Variants in ITGB3BP observed in about 807,000 individuals in gnomAD.
The protein encoded by ITGB3BP is centromere protein R.
A neutral mutation model predicts 29.1 loss-of-function variants in ITGB3BP; 27 were observed. That is an observed-to-expected ratio of 0.93 (90% CI 0.68 to 1.28). ITGB3BP has a LOEUF of 1.28. Among genes scored for constraint, ITGB3BP ranks in the 50% most tolerant of loss-of-function variants. The pLI, the probability that ITGB3BP is intolerant of heterozygous loss-of-function variation, is 0.00. For synonymous variants in ITGB3BP, 61 were observed against 61.4 expected, an observed-to-expected ratio of 0.99 and a Z score of 0.03; for missense variants, 192 against 200.2, an observed-to-expected ratio of 0.96 and a Z score of 0.25.
In ITGB3BP at chr1:63,454,314, G is replaced by A; in HGVS notation, c.427+66C>T. The A allele has an allele frequency of 1.3e-6, 1 of 775,558 alleles. No homozygotes were observed. 48.0% of individuals were successfully genotyped at this position (775,558 alleles called of 1,614,324 possible). On this transcript the variant is annotated intron_variant, in intron 6 of 8. Coordinates refer to ENST00000271002, the MANE Select transcript of ITGB3BP (RefSeq NM_014288.5). The surrounding 1 kb of genome is among the most constrained non-coding windows in gnomAD (Gnocchi z 4.1). Reference sequence around the variant, plus strand: ...GTATATATAAAGAAGTCTATCAAATGTAAATGAGACAAATTAATAGGTTTA... The same window carrying A: ...GTATATATAAAGAAGTCTATCAAATATAAATGAGACAAATTAATAGGTTTA...
At chr1:63,495,827 A>G (rs1193346542) in intron 2 of ITGB3BP, among the ~76,000 whole-genome samples, 1 of 152,094 alleles carries the variant, frequency 6.6e-6, no homozygotes, top group East Asian at 1.9e-4. Context: ...GATATATAAT[A>G]ATATTTCCTA....
At position 63,447,751 on chromosome 1, in the gene ITGB3BP, C is replaced by A. The variant is rs368395412; in HGVS notation, c.485-895G>T. On this transcript the variant is annotated intron_variant, in intron 7 of 8. Coordinates refer to ENST00000271002, the MANE Select transcript of ITGB3BP (RefSeq NM_014288.5). ...TGGTGGGACTGTAAACTAGTTCAAC[C>A]ATTGTGGAAGTCAGTGTGGCGATTC... The A allele has an allele frequency of 6.2e-4, 248 of 401,002 alleles. 2 individuals are homozygous for A. Among genetic ancestry groups the A allele is most frequent in the South Asian group, 4.5e-3 (246 of 55,016 alleles). 24.8% of individuals were successfully genotyped at this position (401,002 alleles called of 1,614,324 possible). A position where few individuals can be genotyped will look rare whatever the true frequency, so the allele number is the denominator to read the frequency against.
chr1:63,470,235 CTG>C (rs1017854471), intron 4 of ITGB3BP, among the ~76,000 whole-genome samples: 6 of 152,138 alleles, frequency 3.9e-5, no homozygotes, highest in African/African-American at 1.4e-4. Context: ...CTCTATATTT[CTG>C]TGTGTGTGTC....
chr1:63,518,130 C>T (rs1038497192), intron 1 of ITGB3BP, among the ~76,000 whole-genome samples: 3 of 152,068 alleles, frequency 2.0e-5, no homozygotes, highest in Admixed American at 1.3e-4. Flanking sequence ...AAAAAGTTTT[C>T]GATACTAAAT....
chr1:63,477,890 C>T (rs1265981844), intron 4 of ITGB3BP, among the ~76,000 whole-genome samples: 1 of 152,122 alleles, frequency 6.6e-6, no homozygotes, highest in Non-Finnish European at 1.5e-5. Context: ...TTCAATCCTT[C>T]CAGGAAGAAG....
chr1:63,489,473 C>A (rs1469551290), intron 3 of ITGB3BP, among the ~76,000 whole-genome samples: 3 of 149,194 alleles, frequency 2.0e-5, no homozygotes, highest in South Asian at 2.1e-4. Context: ...CAATGAACTA[C>A]CAGAGGACAA....
At chr1:63,507,812 G>T (rs1299542596) in intron 2 of ITGB3BP, among the ~76,000 whole-genome samples, 1 of 152,114 alleles carries the variant, frequency 6.6e-6, no homozygotes, top group Non-Finnish European at 1.5e-5. Context: ...TGAATTTGGA[G>T]GAGCCTACTT....
At chr1:63,466,535 T>A (rs1645103016) in intron 4 of ITGB3BP, among the ~76,000 whole-genome samples, 1 of 152,258 alleles carries the variant, frequency 6.6e-6, no homozygotes, top group African/African-American at 2.4e-5. Flanking sequence ...ACCAGACATA[T>A]CTACAAGGCT....
chr1:63,511,215 C>T (rs546278977), intron 1 of ITGB3BP, among the ~76,000 whole-genome samples: 62 of 151,988 alleles, frequency 4.1e-4, no homozygotes, highest in Admixed American at 5.9e-4. Flanking sequence ...AAATCAGAAC[C>T]ACAATGAAAT....
chr1:63,512,981 A>G (rs558218694), intron 1 of ITGB3BP, among the ~76,000 whole-genome samples: 2 of 152,088 alleles, frequency 1.3e-5, no homozygotes, highest in African/African-American at 4.8e-5. Context: ...CTATCCCTCA[A>G]TTTGGGCCTA....
chr1:63,514,944 CAAAAAAA>C (rs55738892), intron 1 of ITGB3BP, among the ~76,000 whole-genome samples: 5 of 117,104 alleles, frequency 4.3e-5, no homozygotes, highest in Non-Finnish European at 3.6e-5. Context: ...GACTCTGTCT[CAAAAAAA>C]AAAAAAAAAA....
At chr1:63,443,034 C>G (rs76317752) in intron 8 of ITGB3BP, 3,258 of 152,376 alleles carry the variant, frequency 0.021, 123 homozygotes, top group African/African-American at 0.074. Flanking sequence ...TTCACAAAGG[C>G]TTCACTTTTT....
In ITGB3BP at chr1:63,493,088, A is replaced by ACACACACGCG. The variant is rs372348238; in HGVS notation, c.49-2871_49-2870insCGCGTGTGTG. On this transcript the variant is annotated intron_variant, in intron 2 of 8. Transcript: ENST00000271002. ...GATCACACCACACACACACACACAC[A>ACACACACGCG]CGCGCGCGCGCGCAAGAAAATAGAT... Among the ~76,000 whole-genome samples the ACACACACGCG allele has an allele frequency of 8.0e-3, 1,184 of 148,796 alleles. 16 individuals carry two copies. Among genetic ancestry groups the ACACACACGCG allele is most frequent in the African/African-American group, 0.029 (1,125 of 39,382 alleles).
At chr1:63,490,922 C>T (rs964678708) in intron 2 of ITGB3BP, among the ~76,000 whole-genome samples, 11 of 152,130 alleles carry the variant, frequency 7.2e-5, no homozygotes, top group African/African-American at 2.4e-4. Context: ...GTGTGAGGAA[C>T]GAATGACTTA....
intron 8 of ITGB3BP, among the ~76,000 whole-genome samples, chr1:63,441,331 G>A (rs977038853): frequency 1.4e-4 from 22 of 152,056 alleles, no homozygotes; most frequent in African/African-American, 2.9e-4. Context: ...TCTGCCTCCC[G>A]TGTTCAAGTG....
intron 4 of ITGB3BP, among the ~76,000 whole-genome samples, chr1:63,464,102 T>C (rs975456813): frequency 2.6e-5 from 4 of 152,214 alleles, no homozygotes; most frequent in Non-Finnish European, 5.9e-5. Flanking sequence ...GTATCCTTTT[T>C]TGGCAACAGT....
intron 7 of ITGB3BP, chr1:63,451,588 T>C (rs1644860719): frequency 6.6e-6 from 1 of 151,912 alleles, no homozygotes; most frequent in African/African-American, 2.4e-5. Flanking sequence ...TGCATGTGTG[T>C]GCACATTTGT....
intron 2 of ITGB3BP, among the ~76,000 whole-genome samples, chr1:63,499,944 G>A (rs1002808032): frequency 6.6e-6 from 1 of 152,154 alleles, no homozygotes; most frequent in Non-Finnish European, 1.5e-5. Context: ...AAGAATGTCT[G>A]CTCTTGCCAC....
In ITGB3BP at chr1:63,454,616, A is replaced by G. The variant is rs1336659316; in HGVS notation, c.334-143T>C. The stretch of plus-strand genomic sequence containing the variant: ...GATATTTAACTGTTTCTGGCAGGCC[A>G]ACTATTTCAAGCCCAAAAATGCCTG... On this transcript the variant is annotated intron_variant, in intron 5 of 8. Coordinates refer to ENST00000271002, the MANE Select transcript of ITGB3BP (RefSeq NM_014288.5). This position sits in a 1 kb window ranked among gnomAD's most constrained non-coding sequence, Gnocchi z 4.1. 1 of 476,488 alleles carries G rather than the reference A, an allele frequency of 2.1e-6. No individual in the cohort carries two copies. The highest frequency in any genetic ancestry group is 3.8e-6 in the Non-Finnish European group (1 of 265,476). The allele number at this position is 476,488 out of a possible 1,614,324, so 29.5% of individuals were successfully genotyped here.
Sources: gnomAD v4.1 joint callset for allele counts (sites outside exome capture counted in the v4.1 genomes callset) on GRCh38, gnomAD v4.1.1 for gene constraint, Gnocchi (gnomAD v3.1) non-coding constraint, MANE v1.5 for transcripts, NCBI Gene and HGNC (gene_info 2026-07-23, HGNC 2026-07-21) for gene names.